Variants in SORCS2 observed in about 807,000 individuals in gnomAD.
SORCS2 encodes sortilin related VPS10 domain containing receptor 2, also known as VPS10 domain-containing receptor SorCS2.
Under a neutral mutation model 141.6 loss-of-function variants are expected in SORCS2, and 100 were observed. That is an observed-to-expected ratio of 0.71 (90% confidence interval 0.60 to 0.83). The LOEUF (loss-of-function observed/expected upper bound fraction) is 0.83, where lower values mean the gene tolerates loss of function less well. Among genes scored for constraint, SORCS2 ranks in the 40% least tolerant of loss-of-function variants. The pLI is 0.00. For missense variants in SORCS2, 1,646 were observed against 1,560.2 expected (o/e 1.05, Z -0.93); for synonymous variants, 789 against 676.9 (o/e 1.17, Z -2.57).
chr4:7,641,301 G>T (rs143001905), intron 4 of SORCS2, among the ~76,000 whole-genome samples: 1 of 152,198 alleles, frequency 6.6e-6, no homozygotes, highest in African/African-American at 2.4e-5. Flanking sequence ...ATGGTGGAAG[G>T]TGAAGGGGAA....
chr4:7,611,351 G>A (rs1197221785), intron 3 of SORCS2, among the ~76,000 whole-genome samples: 2 of 152,170 alleles, frequency 1.3e-5, no homozygotes, highest in East Asian at 1.9e-4. Flanking sequence ...AGATGAGTGG[G>A]GTTGGGTGCA....
At chr4:7,297,970 C>G (rs1276256736) in intron 1 of SORCS2, among the ~76,000 whole-genome samples, 1 of 152,222 alleles carries the variant, frequency 6.6e-6, no homozygotes, top group Non-Finnish European at 1.5e-5. Flanking sequence ...CAGGCCACAT[C>G]TGGATACCCA....
At position 7,204,888 on chromosome 4, in the gene SORCS2, C is replaced by T. The variant is rs544799412; in HGVS notation, c.480+11762C>T. Reference sequence around the variant, plus strand: ...GGAGACCATTCCCGGAGGCATTGCTCGGCGCGGCCGCGCTTGCTAAGGGTA... The same window carrying T: ...GGAGACCATTCCCGGAGGCATTGCTTGGCGCGGCCGCGCTTGCTAAGGGTA... On this transcript the variant is annotated intron_variant, in intron 1 of 26. Coordinates refer to ENST00000507866, the MANE Select transcript of SORCS2 (RefSeq NM_020777.3). Among the ~76,000 whole-genome samples, 419 of 152,332 alleles carry T rather than the reference C, an allele frequency of 2.8e-3. 8 individuals carry two copies. Among genetic ancestry groups the T allele is most frequent in the Middle Eastern group, 0.01 (3 of 294 alleles).
chr4:7,450,369 C>T (rs1395541936), intron 2 of SORCS2, among the ~76,000 whole-genome samples: 2 of 152,238 alleles, frequency 1.3e-5, no homozygotes, highest in Non-Finnish European at 1.5e-5. Flanking sequence ...CCTACACCTG[C>T]TCTCCAGCCC....
intron 3 of SORCS2, among the ~76,000 whole-genome samples, chr4:7,543,471 C>A (rs142576064): frequency 0.14 from 18,614 of 136,500 alleles, 1,434 homozygotes; most frequent in Non-Finnish European, 0.15. Context: ...ATCCACCCAC[C>A]CATCCATTCA....
At chr4:7,433,674 CA>C (rs752119438) in intron 2 of SORCS2, 46 of 1,609,700 alleles carry the variant, frequency 2.9e-5, no homozygotes, top group Non-Finnish European at 3.8e-5. Flanking sequence ...ACACCGTGAG[CA>C]GCCTCTTGCA....
intron 2 of SORCS2, among the ~76,000 whole-genome samples, chr4:7,417,477 T>A (rs6837386): frequency 0.43 from 64,780 of 151,968 alleles, 14,040 homozygotes; most frequent in Middle Eastern, 0.57. Flanking sequence ...TTTGTCTGAG[T>A]TTGGGAGAAG....
At chr4:7,435,799 G>A (rs751609125) in intron 2 of SORCS2, among the ~76,000 whole-genome samples, 21 of 152,268 alleles carry the variant, frequency 1.4e-4, no homozygotes, top group Non-Finnish European at 2.8e-4. Context: ...GTCGGGTCCT[G>A]TTCATTAAAT....
chr4:7,642,265 T>C (rs1369957558), intron 4 of SORCS2, among the ~76,000 whole-genome samples: 1 of 152,226 alleles, frequency 6.6e-6, no homozygotes, highest in East Asian at 1.9e-4. Context: ...TCCTTGGGGA[T>C]GGCTTGTGCT....
At chr4:7,677,053 T>G (rs2108955646) in intron 9 of SORCS2, among the ~76,000 whole-genome samples, 1 of 151,688 alleles carries the variant, frequency 6.6e-6, no homozygotes, top group East Asian at 2.0e-4. Context: ...CACACTCGCT[T>G]GCTTTCACTT....
At chr4:7,730,386 C>T (rs540982815) in intron 23 of SORCS2, among the ~76,000 whole-genome samples, 8 of 152,282 alleles carry the variant, frequency 5.3e-5, no homozygotes, top group African/African-American at 9.6e-5. Context: ...CCTAAGTTAC[C>T]GCATGACCCA....
chr4:7,257,398 G>T (rs1713971193), intron 1 of SORCS2, among the ~76,000 whole-genome samples: 1 of 152,100 alleles, frequency 6.6e-6, no homozygotes, highest in African/African-American at 2.4e-5. Flanking sequence ...AACTCCCCGG[G>T]GCTCCAAGAG....
In SORCS2 at chr4:7,582,122, A is replaced by G. The variant is rs569405038; in HGVS notation, c.648+50493A>G. Among the ~76,000 whole-genome samples, 4 of 152,360 alleles carry G rather than the reference A, an allele frequency of 2.6e-5. No homozygotes were observed. The East Asian group carries it at 7.7e-4, about 29-fold the overall frequency. On this transcript the variant is annotated intron_variant, in intron 3 of 26. Transcript: ENST00000507866. ...TGGAGACATATTATATTCTGAGAATATTATGCCATTTATAGGCATTAATTC... is the reference window on the plus strand; with the variant it reads ...TGGAGACATATTATATTCTGAGAATGTTATGCCATTTATAGGCATTAATTC...
At chr4:7,561,300 T>G (rs1714531505) in intron 3 of SORCS2, among the ~76,000 whole-genome samples, 1 of 152,142 alleles carries the variant, frequency 6.6e-6, no homozygotes, top group African/African-American at 2.4e-5. Context: ...CCAGGCCAGG[T>G]AGGAACCTAG....
intron 20 of SORCS2, among the ~76,000 whole-genome samples, chr4:7,726,521 C>T (rs1181874919): frequency 6.6e-6 from 1 of 152,084 alleles, no homozygotes; most frequent in Non-Finnish European, 1.5e-5. Context: ...TTGCAGTGAG[C>T]CAAGATTGCG....
intron 1 of SORCS2, among the ~76,000 whole-genome samples, chr4:7,248,985 A>G (rs1467802091): frequency 6.6e-6 from 1 of 152,174 alleles, no homozygotes; most frequent in Non-Finnish European, 1.5e-5. Flanking sequence ...TTTTTACTGT[A>G]AGTCAGTTTG....
At chr4:7,298,136 G>A (rs201041702) in intron 1 of SORCS2, among the ~76,000 whole-genome samples, 1 of 152,214 alleles carries the variant, frequency 6.6e-6, no homozygotes, top group Non-Finnish European at 1.5e-5. Context: ...TGGGGACAGA[G>A]GGGAACAGAG....
chr4:7,376,376 A>C (rs1324950249), intron 1 of SORCS2, among the ~76,000 whole-genome samples: 1 of 152,130 alleles, frequency 6.6e-6, no homozygotes, highest in Non-Finnish European at 1.5e-5. Context: ...CAGGACTTTG[A>C]GAGCAGCCTG....
At chr4:7,540,200 C>A (rs1184424651) in intron 3 of SORCS2, among the ~76,000 whole-genome samples, 14 of 132,328 alleles carry the variant, frequency 1.1e-4, no homozygotes, top group Middle Eastern at 7.5e-3. Flanking sequence ...CCCTCCCTGC[C>A]CCTCCCTGCC....
Sources: gnomAD v4.1 joint callset for allele counts (sites outside exome capture counted in the v4.1 genomes callset) on GRCh38, gnomAD v4.1.1 for gene constraint, MANE v1.5 for transcripts, NCBI Gene and HGNC (gene_info 2026-07-23, HGNC 2026-07-21) for gene names.